Variants in SPAG17 observed in about 807,000 individuals in gnomAD.
SPAG17 encodes sperm associated antigen 17, also known as sperm-associated antigen 17.
A neutral mutation model predicts 273.6 loss-of-function variants in SPAG17; 169 were observed. The ratio of observed to expected loss-of-function variants is 0.62; its 90% CI spans 0.55 to 0.70. The LOEUF (loss-of-function observed/expected upper bound fraction) is 0.70, where lower values mean the gene tolerates loss of function less well. SPAG17 is among the 30% of genes least tolerant of loss of function. SPAG17 has a pLI of 0.00. For synonymous variants in SPAG17, 825 were observed against 873.2 expected (o/e 0.94, Z 0.97); for missense variants, 2,557 against 2,627.8 (o/e 0.97, Z 0.59).
At chr1:118,025,138 G>T in intron 27 of SPAG17, 100 bp downstream of exon 27, 1 of 976,028 alleles carries the variant, frequency 1.0e-6, no homozygotes, top group Non-Finnish European at 1.5e-6. Context: ...CCTTTTTCTA[G>T]TGAGTTGTTC....
At chr1:118,131,750 G>A (rs980908575) in intron 3 of SPAG17, among the ~76,000 whole-genome samples, 2 of 152,136 alleles carry the variant, frequency 1.3e-5, no homozygotes, top group African/African-American at 4.8e-5. Flanking sequence ...TCAAATCTGA[G>A]GTAACTGTGG....
At chr1:117,989,879 C>G (rs1045293113) in intron 38 of SPAG17, among the ~76,000 whole-genome samples, 1 of 152,064 alleles carries the variant, frequency 6.6e-6, no homozygotes, top group African/African-American at 2.4e-5. Flanking sequence ...CAGGCCGGGC[C>G]TGGGGATCAA....
At chr1:118,042,215 T>G (rs1159738273) in intron 20 of SPAG17, among the ~76,000 whole-genome samples, 173 bp from the exon 21 acceptor site, 1 of 152,154 alleles carries the variant, frequency 6.6e-6, no homozygotes, top group East Asian at 1.9e-4. Flanking sequence ...TCACTCAACT[T>G]CTGTCTGCTA....
intron 22 of SPAG17, 108 bp downstream of exon 22, chr1:118,040,622 G>C (rs1571317029): frequency 1.4e-6 from 1 of 706,992 alleles, no homozygotes; most frequent in Non-Finnish European, 2.5e-6. Context: ...TGTATTGTGG[G>C]GGACAGAATA....
In SPAG17 at chr1:117,980,923, G is replaced by A. The variant is rs939749029; in HGVS notation, c.6004+347C>T. Among the ~76,000 whole-genome samples the A allele has an allele frequency of 1.2e-4, 19 of 152,202 alleles. 1 individual carries two copies. Among genetic ancestry groups the A allele is most frequent in the African/African-American group, 4.3e-4 (18 of 41,528 alleles). ...GGTAAATCTAAGTACCAAATTTCTG[G>A]TTACTCAAGAAAAGCTATCAGTGTC... On this transcript the variant is annotated intron_variant, in intron 43 of 48. Transcript: ENST00000336338.
intron 48 of SPAG17, chr1:117,959,127 T>C: frequency 1.5e-6 from 2 of 1,300,742 alleles, no homozygotes; most frequent in Non-Finnish European, 2.1e-6. Context: ...TTTGAGATAG[T>C]TTTTGTTAGA....
At chr1:117,970,172 G>A in intron 45 of SPAG17, 56 bp from the exon 46 acceptor site, 1 of 1,523,902 alleles carries the variant, frequency 6.6e-7, no homozygotes, top group Non-Finnish European at 9.0e-7. Context: ...CATGAGCAAT[G>A]AATAAGCTGG....
chr1:118,052,269 G>T (rs1159319635), intron 20 of SPAG17, among the ~76,000 whole-genome samples: 1 of 151,256 alleles, frequency 6.6e-6, no homozygotes, highest in African/African-American at 2.4e-5. Context: ...AAGCCTGGGG[G>T]ACATGACATT....
Position 118,041,834 on chromosome 1 carries a change from G to C in SPAG17, c.3023C>G (p.Pro1008Arg). Residue 1008 changes from proline (P) to arginine (R), a missense_variant, in exon 21 of 49, where the codon CCC becomes CGC. Coordinates refer to ENST00000336338, the MANE Select transcript of SPAG17 (RefSeq NM_206996.4). ...VKIQEVTEES[P>R]HQPEPKITYP... ...AGTTATCTTAGGTTCTGGTTGGTGGGGGGACTCTTCTGTTACTTCTTGGAT... is the reference window on the plus strand; with the variant it reads ...AGTTATCTTAGGTTCTGGTTGGTGGCGGGACTCTTCTGTTACTTCTTGGAT... 1 of 1,613,432 alleles carries C rather than the reference G, an allele frequency of 6.2e-7. No individual in the cohort carries two copies. Among genetic ancestry groups the C allele is most frequent in the Non-Finnish European group, 8.5e-7 (1 of 1,179,768 alleles).
intron 42 of SPAG17, among the ~76,000 whole-genome samples, chr1:117,983,032 G>C (rs1656008307): frequency 6.6e-6 from 1 of 152,094 alleles, no homozygotes; most frequent in Non-Finnish European, 1.5e-5. Context: ...TGCTTATAAA[G>C]ACATATCCAA....
At chr1:118,112,285 G>A (rs1174147849) in intron 4 of SPAG17, among the ~76,000 whole-genome samples, 1 of 151,842 alleles carries the variant, frequency 6.6e-6, no homozygotes, top group Non-Finnish European at 1.5e-5. Flanking sequence ...TTCAGATAAT[G>A]ACTAAATTAA....
At chr1:117,984,244 G>A (rs1656162749) in intron 41 of SPAG17, among the ~76,000 whole-genome samples, 1 of 152,214 alleles carries the variant, frequency 6.6e-6, no homozygotes, top group African/African-American at 2.4e-5. Flanking sequence ...AAATAGAACA[G>A]GAGAAGAGCG....
At chr1:118,183,582 T>C (rs1661046204) in intron 1 of SPAG17, among the ~76,000 whole-genome samples, 1 of 152,366 alleles carries the variant, frequency 6.6e-6, no homozygotes, top group Non-Finnish European at 1.5e-5. Flanking sequence ...ATAAGATTTA[T>C]TGAAGTTATA....
chr1:118,006,352 G>C (rs1252980262), intron 31 of SPAG17, among the ~76,000 whole-genome samples: 1 of 152,170 alleles, frequency 6.6e-6, no homozygotes, highest in African/African-American at 2.4e-5. Context: ...CATGTACTCT[G>C]TGGCCTTTTG....
intron 4 of SPAG17, among the ~76,000 whole-genome samples, chr1:118,114,674 G>T (rs1222256720): frequency 6.6e-6 from 1 of 152,132 alleles, no homozygotes; most frequent in Non-Finnish European, 1.5e-5. Flanking sequence ...TATGATGGTA[G>T]CACATGGATG....
chr1:118,129,812 C>T (rs1657960118), intron 3 of SPAG17, among the ~76,000 whole-genome samples: 2 of 151,636 alleles, frequency 1.3e-5, no homozygotes, highest in Admixed American at 1.3e-4. Flanking sequence ...TCTTCTCCCT[C>T]TTCCTCCTCC....
At chr1:118,168,118 T>C (rs1287248673) in intron 1 of SPAG17, among the ~76,000 whole-genome samples, 1 of 152,190 alleles carries the variant, frequency 6.6e-6, no homozygotes, top group Non-Finnish European at 1.5e-5. Context: ...CAGTCCCTGG[T>C]ATTTCTTTAT....
At chr1:118,071,543 G>A (rs1445699792) in intron 17 of SPAG17, among the ~76,000 whole-genome samples, 2 of 152,020 alleles carry the variant, frequency 1.3e-5, no homozygotes, top group Non-Finnish European at 2.9e-5. Context: ...CCAGCTACTT[G>A]GGAGGTTGAG....
chr1:117,993,094 T>C (rs1657288608), intron 35 of SPAG17, among the ~76,000 whole-genome samples: 1 of 152,212 alleles, frequency 6.6e-6, no homozygotes, highest in African/African-American at 2.4e-5. Flanking sequence ...GGGCCATCTT[T>C]GAGCTTAATC....
Sources: allele counts gnomAD v4.1 joint callset (sites outside exome capture counted in the v4.1 genomes callset), GRCh38; gene constraint gnomAD v4.1.1; transcripts MANE v1.5; gene names NCBI Gene and HGNC (gene_info 2026-07-23, HGNC 2026-07-21).